Variants in ATP9A observed in about 807,000 individuals in gnomAD.
ATP9A encodes ATPase phospholipid transporting 9A.
ATP9A carries 52 observed loss-of-function variants against 144.1 expected under a neutral mutation model. The observed-to-expected ratio is 0.36, with a 90% CI of 0.29 to 0.45. The LOEUF (loss-of-function observed/expected upper bound fraction) is 0.45. Ranked by LOEUF, ATP9A falls within the 20% of genes least tolerant of loss-of-function variation. The probability of loss-of-function intolerance (pLI) is 1.00; values close to 1 mark genes in which losing one functional copy is unlikely to be tolerated. For missense variants in ATP9A, 947 were observed against 1,392.7 expected (o/e 0.68, Z 5.09); for synonymous variants, 582 against 557.4 (o/e 1.04, Z -0.62).
intron 23 of ATP9A, among the ~76,000 whole-genome samples, chr20:51,610,777 A>G (rs1303894576): frequency 6.6e-6 from 1 of 152,200 alleles, no homozygotes; most frequent in Admixed American, 6.5e-5. Context: ...TGAAGTGTCT[A>G]CGGGGGCTGG....
At chr20:51,704,463 T>G (rs1157866140) in intron 4 of ATP9A, among the ~76,000 whole-genome samples, 1 of 151,988 alleles carries the variant, frequency 6.6e-6, no homozygotes, top group Non-Finnish European at 1.5e-5. Flanking sequence ...GAAAGGAAAA[T>G]CTGAACTTTG....
At chr20:51,692,688 G>A (rs2077553567) in intron 7 of ATP9A, among the ~76,000 whole-genome samples, 1 of 152,182 alleles carries the variant, frequency 6.6e-6, no homozygotes, top group South Asian at 2.1e-4. Context: ...TGTAATCCCA[G>A]CTACTCAGGA....
In ATP9A at chr20:51,676,124, G is replaced by A. The variant is rs200873568; in HGVS notation, c.876+8C>T. ...GCCGGTCAATGTACCCCATGACCTCGTACACACCTTACTTCGGGGATTTGA... is the reference window on the plus strand; with the variant it reads ...GCCGGTCAATGTACCCCATGACCTCATACACACCTTACTTCGGGGATTTGA... On this transcript the variant is annotated splice_region_variant and intron_variant, in intron 10 of 27. Transcript: ENST00000338821. 70 of 1,609,074 alleles carry A rather than the reference G, an allele frequency of 4.4e-5. No homozygotes were observed. The East Asian group carries it at 9.8e-4, about 23-fold the overall frequency.
intron 14 of ATP9A, among the ~76,000 whole-genome samples, chr20:51,641,212 AGCCGGAGGT>A (rs1223295500): frequency 6.6e-6 from 1 of 151,930 alleles, no homozygotes; most frequent in African/African-American, 2.4e-5. Flanking sequence ...TACAAAAATT[AGCCGGAGGT>A]GGTGGCATGC....
chr20:51,702,291 C>CAA lies in ATP9A; in HGVS notation c.437-4811_437-4810dup, dbSNP rs568902724. ...CGGGTGACAGTGCAAGACTCTGTCT[C>CAA]AAAAAAAAAAAAAAAAAAATTAAAT... is the stretch of plus-strand genomic sequence containing the variant. On this transcript the variant is annotated intron_variant, in intron 4 of 27. Transcript: ENST00000338821. Among the ~76,000 whole-genome samples the CAA allele has an allele frequency of 9.8e-3, 991 of 101,228 alleles. 24 individuals carry two copies. The highest frequency in any genetic ancestry group is 0.029 in the African/African-American group (835 of 29,088). 66.4% of individuals were successfully genotyped at this position (101,228 alleles called of 152,430 possible).
intron 21 of ATP9A, among the ~76,000 whole-genome samples, 198 bp from the exon 22 acceptor site, chr20:51,617,752 A>G (rs1177583992): frequency 2.6e-5 from 4 of 152,208 alleles, no homozygotes; most frequent in Admixed American, 2.6e-4. Flanking sequence ...CAGAGAGCCC[A>G]GGCGGCTTGC....
At chr20:51,637,344 A>T (rs2077296714) in intron 15 of ATP9A, among the ~76,000 whole-genome samples, 1 of 144,214 alleles carries the variant, frequency 6.9e-6, no homozygotes, top group Non-Finnish European at 1.5e-5. Context: ...ACTGGCTATC[A>T]CTGTTGAATC....
At chr20:51,676,006 G>C in intron 10 of ATP9A, 126 bp downstream of exon 10, 1 of 653,844 alleles carries the variant, frequency 1.5e-6, no homozygotes, top group Middle Eastern at 2.8e-4. Flanking sequence ...ACACACATAT[G>C]CATAAAAAGA....
intron 9 of ATP9A, among the ~76,000 whole-genome samples, chr20:51,686,205 G>C (rs1346764765): frequency 1.3e-5 from 2 of 151,880 alleles, no homozygotes; most frequent in African/African-American, 4.8e-5. Flanking sequence ...ATCACACACC[G>C]GGGCCTGTCG....
intron 4 of ATP9A, among the ~76,000 whole-genome samples, chr20:51,699,962 G>A (rs2077586728): frequency 6.6e-6 from 1 of 152,088 alleles, no homozygotes; most frequent in African/African-American, 2.4e-5. Context: ...CTTCTAGAAA[G>A]CACTCAACTA....
At chr20:51,669,505 C>G (rs1368569631) in intron 13 of ATP9A, among the ~76,000 whole-genome samples, 1 of 152,178 alleles carries the variant, frequency 6.6e-6, no homozygotes. Flanking sequence ...ATGATTATTT[C>G]ACAAGCAGAC....
chr20:51,640,041 C>T (rs1320604563), intron 14 of ATP9A, among the ~76,000 whole-genome samples: 2 of 152,106 alleles, frequency 1.3e-5, no homozygotes, highest in African/African-American at 4.8e-5. Flanking sequence ...GCTGAGATCA[C>T]GCCATTGCAC....
chr20:51,689,216 G>A (rs6067898), intron 8 of ATP9A, 77 bp from the exon 9 acceptor site: 373,449 of 1,424,960 alleles, frequency 0.26, 51,322 homozygotes, highest in Non-Finnish European at 0.28. Flanking sequence ...AGCATGGTCC[G>A]CTGGAGATAG....
intron 1 of ATP9A, among the ~76,000 whole-genome samples, chr20:51,749,104 T>C (rs1378601160): frequency 6.6e-6 from 1 of 152,190 alleles, no homozygotes; most frequent in African/African-American, 2.4e-5. Context: ...TGTGTGCCTG[T>C]AGTCCCAGCT....
At chr20:51,724,991 C>G (rs2077706127) in intron 3 of ATP9A, among the ~76,000 whole-genome samples, 1 of 152,180 alleles carries the variant, frequency 6.6e-6, no homozygotes, top group Admixed American at 6.6e-5. Context: ...ACATCTGTGC[C>G]ATCCTTACCA....
chr20:51,750,621 C>T (rs778340566), intron 1 of ATP9A, among the ~76,000 whole-genome samples: 53 of 152,312 alleles, frequency 3.5e-4, no homozygotes, highest in Middle Eastern at 6.8e-3. Flanking sequence ...TGCCTTGCTC[C>T]TCCCGACTGT....
At chr20:51,641,831 C>CAAAAAAAAAAAAA (rs1218133688) in intron 14 of ATP9A, among the ~76,000 whole-genome samples, 16 of 79,678 alleles carry the variant, frequency 2.0e-4, no homozygotes, top group African/African-American at 6.6e-4. Context: ...AACTCCATCT[C>CAAAAAAAAAAAAA]AAAAAAAAAA....
chr20:51,701,371 T>G (rs1443296594), intron 4 of ATP9A, among the ~76,000 whole-genome samples: 1 of 152,214 alleles, frequency 6.6e-6, no homozygotes, highest in Non-Finnish European at 1.5e-5. Flanking sequence ...TGTTTTTCCA[T>G]TAAGCGTAAG....
chr20:51,709,551 C>T (rs1039473866), intron 4 of ATP9A, among the ~76,000 whole-genome samples: 1 of 151,970 alleles, frequency 6.6e-6, no homozygotes, highest in African/African-American at 2.4e-5. Flanking sequence ...ACATGGCAAC[C>T]CCATCTCTAG....
Sources: allele counts gnomAD v4.1 joint callset (sites outside exome capture counted in the v4.1 genomes callset), GRCh38; gene constraint gnomAD v4.1.1; transcripts MANE v1.5; gene names NCBI Gene and HGNC (gene_info 2026-07-23, HGNC 2026-07-21).